PTPRN2: variants seen among roughly 807,000 people sequenced by gnomAD.
The protein encoded by PTPRN2 is receptor-type tyrosine-protein phosphatase N2.
Under a neutral mutation model 118.8 loss-of-function variants are expected in PTPRN2, and 74 were observed. That is an observed-to-expected ratio of 0.62 (90% CI 0.52 to 0.76). PTPRN2 has a LOEUF of 0.76. Among genes scored for constraint, PTPRN2 ranks in the 30% least tolerant of loss-of-function variants. The pLI is 0.00. For missense variants in PTPRN2, 1,481 were observed against 1,394.4 expected (o/e 1.06, Z -0.99); for synonymous variants, 641 against 608.0 (o/e 1.05, Z -0.80).
intron 12 of PTPRN2, among the ~76,000 whole-genome samples, chr7:157,825,415 C>A (rs763450920): frequency 1.3e-4 from 20 of 152,292 alleles, no homozygotes; most frequent in African/African-American, 4.6e-4. Context: ...CTGCCTCCCC[C>A]CCAGACTTCT....
intron 3 of PTPRN2, among the ~76,000 whole-genome samples, chr7:158,268,546 GGC>G (rs1798054683): frequency 2.1e-5 from 3 of 139,766 alleles, no homozygotes; most frequent in African/African-American, 2.7e-5. Context: ...ACGCACACAG[GGC>G]GGGTGTGTAA....
intron 3 of PTPRN2, among the ~76,000 whole-genome samples, chr7:158,228,754 C>A (rs1828980691): frequency 6.6e-6 from 1 of 152,102 alleles, no homozygotes; most frequent in Non-Finnish European, 1.5e-5. Flanking sequence ...CTCATAGCTT[C>A]TATGCTGGAA....
At chr7:157,705,129 C>T (rs1396810791) in intron 12 of PTPRN2, among the ~76,000 whole-genome samples, 4 of 152,146 alleles carry the variant, frequency 2.6e-5, no homozygotes, top group Non-Finnish European at 4.4e-5. Context: ...TATGGTGAAA[C>T]CCCGTCTCTA....
intron 2 of PTPRN2, among the ~76,000 whole-genome samples, chr7:158,486,174 T>A (rs552335246): frequency 8.5e-5 from 13 of 152,364 alleles, no homozygotes; most frequent in African/African-American, 2.6e-4. Context: ...GATTGCCGGG[T>A]CACGGGCCAC....
intron 6 of PTPRN2, among the ~76,000 whole-genome samples, chr7:158,148,486 C>G (rs1467368606): frequency 2.9e-5 from 4 of 139,532 alleles, no homozygotes; most frequent in African/African-American, 5.4e-5. Context: ...GACACCCCAT[C>G]TCACGCCACG....
At chr7:158,260,163 G>A (rs547955489) in intron 3 of PTPRN2, among the ~76,000 whole-genome samples, 2 of 152,300 alleles carry the variant, frequency 1.3e-5, no homozygotes, top group East Asian at 1.9e-4. Flanking sequence ...GTCTCTCTGT[G>A]GGGTTTGGAG....
In PTPRN2 at chr7:158,529,880, GCACAC is replaced by G. The variant is rs1195726909; in HGVS notation, c.113-40100_113-40096del. ...CACACATGCCACACACCACACATAT[GCACAC>G]CACACACGTGCCACACACAGCACAC... On this transcript the variant is annotated intron_variant, in intron 1 of 22. Transcript: ENST00000389418. The surrounding 1 kb of genome is among the most constrained non-coding windows in gnomAD (Gnocchi z 4.7). Among the ~76,000 whole-genome samples the G allele has an allele frequency of 6.6e-6, 1 of 151,944 alleles. No individual in the cohort carries two copies. The highest frequency in any genetic ancestry group is 1.5e-5 in the Non-Finnish European group (1 of 67,974).
chr7:158,452,060 TATACCAA>T (rs1372150339), intron 2 of PTPRN2, among the ~76,000 whole-genome samples: 5 of 152,190 alleles, frequency 3.3e-5, no homozygotes, highest in Non-Finnish European at 7.3e-5. Flanking sequence ...ATCATTATCA[TATACCAA>T]ATACCCATAC....
Position 157,656,491 on chromosome 7 carries a change from A to G in PTPRN2, c.2062T>C (p.Ser688Pro). The G allele has an allele frequency of 6.4e-7, 1 of 1,554,408 alleles. No individual in the cohort carries two copies. Among genetic ancestry groups the G allele is most frequent in the Non-Finnish European group, 8.7e-7 (1 of 1,153,564 alleles). Reference protein sequence around the residue: ...PPDRPEGPHTSRISSVSSQFS... With the variant: ...PPDRPEGPHTPRISSVSSQFS... Reference sequence around the variant, plus strand: ...TGGGATGAGACGCTGCTGATGCGTGACGTGTGCGGGCCCTCAGGTCGGTCT... The same window carrying G: ...TGGGATGAGACGCTGCTGATGCGTGGCGTGTGCGGGCCCTCAGGTCGGTCT... The change falls in exon 14 of 23, where the codon TCA becomes CCA. Residue 688 changes from serine (S) to proline (P), a missense_variant. This residue lies in a region of PTPRN2 where 1,115 missense variants were observed against 994.2 expected (regional missense o/e 1.12). Transcript: ENST00000389418.
chr7:158,157,478 A>T (rs1023750336), intron 6 of PTPRN2, among the ~76,000 whole-genome samples: 4 of 152,040 alleles, frequency 2.6e-5, no homozygotes, highest in East Asian at 3.9e-4. Context: ...GCAGTTTATG[A>T]CTCTTACTTC....
At chr7:157,827,588 T>C (rs1019520691) in intron 12 of PTPRN2, among the ~76,000 whole-genome samples, 2 of 152,222 alleles carry the variant, frequency 1.3e-5, no homozygotes, top group Non-Finnish European at 2.9e-5. Flanking sequence ...TGAGTTGTCC[T>C]TCAAACCCAG....
At chr7:158,450,564 C>T (rs953155768) in intron 2 of PTPRN2, among the ~76,000 whole-genome samples, 1 of 152,204 alleles carries the variant, frequency 6.6e-6, no homozygotes, top group African/African-American at 2.4e-5. Context: ...GAGCCACCGC[C>T]GACTTGATGG....
intron 12 of PTPRN2, among the ~76,000 whole-genome samples, chr7:157,781,367 T>A (rs79426071): frequency 5.1e-4 from 77 of 152,190 alleles, no homozygotes; most frequent in African/African-American, 1.8e-3. Context: ...AAGTTGTTGA[T>A]GTCAAGTCTC....
chr7:158,255,835 A>T lies in PTPRN2; in HGVS notation c.278-50562T>A, dbSNP rs536843991. Among the ~76,000 whole-genome samples, 40 of 149,506 alleles carry T rather than the reference A, an allele frequency of 2.7e-4. 1 individual carries two copies. The South Asian group carries it at 7.7e-3, about 29-fold the overall frequency. On this transcript the variant is annotated intron_variant, in intron 3 of 22. Coordinates refer to ENST00000389418, the MANE Select transcript of PTPRN2 (RefSeq NM_002847.5). ...CCTCCTGTCCCTGGGGCTTGGCACTAAGCCTCAGGGCACCCGTCCTCACTG... is the reference window on the plus strand; with the variant it reads ...CCTCCTGTCCCTGGGGCTTGGCACTTAGCCTCAGGGCACCCGTCCTCACTG...
At position 157,956,158 on chromosome 7, in the gene PTPRN2, C is replaced by T. The variant is rs78197706; in HGVS notation, c.1724-57421G>A. On this transcript the variant is annotated intron_variant, in intron 11 of 22. Coordinates refer to ENST00000389418, the MANE Select transcript of PTPRN2 (RefSeq NM_002847.5). Reference sequence around the variant, plus strand: ...CTGTTTGATGAGAAAAGCCTAGGGACGGCTGGTTTAAGGTAAGAACATTCA... The same window carrying T: ...CTGTTTGATGAGAAAAGCCTAGGGATGGCTGGTTTAAGGTAAGAACATTCA... 2.6e-3 allele frequency among the ~76,000 whole-genome samples: 393 copies of T among 152,198 alleles called. 15 individuals carry two copies. The East Asian group carries it at 0.069, about 27-fold the overall frequency.
At chr7:157,720,498 G>A (rs982867641) in intron 12 of PTPRN2, among the ~76,000 whole-genome samples, 2 of 152,240 alleles carry the variant, frequency 1.3e-5, no homozygotes, top group African/African-American at 2.4e-5. Context: ...CTGCACAGCC[G>A]GGTGATCCAG....
chr7:158,201,176 A>G (rs1484006954), intron 4 of PTPRN2, among the ~76,000 whole-genome samples: 2 of 151,930 alleles, frequency 1.3e-5, no homozygotes, highest in Admixed American at 1.3e-4. Context: ...CAGCCTCCTG[A>G]GTAGCCAGGC....
chr7:158,249,300 T>TAC (rs1563036984), intron 3 of PTPRN2, among the ~76,000 whole-genome samples: 1 of 134,098 alleles, frequency 7.5e-6, no homozygotes, highest in African/African-American at 2.9e-5. Context: ...TGCATACATA[T>TAC]GCATATCTAC....
At chr7:157,624,654 T>C (rs115105061) in intron 14 of PTPRN2, among the ~76,000 whole-genome samples, 2,411 of 152,346 alleles carry the variant, frequency 0.016, 69 homozygotes, top group African/African-American at 0.054. Flanking sequence ...TTCTATTTAA[T>C]GCGTGTTGCT....
Sources: gnomAD v4.1 joint callset for allele counts (sites outside exome capture counted in the v4.1 genomes callset) on GRCh38, gnomAD v4.1.1 for gene constraint, gnomAD v4.1.1 regional missense constraint, Gnocchi (gnomAD v3.1) non-coding constraint, MANE v1.5 for transcripts, NCBI Gene and HGNC (gene_info 2026-07-23, HGNC 2026-07-21) for gene names.